PROB1: variants seen among roughly 807,000 people sequenced by gnomAD.
The protein encoded by PROB1 is proline rich basic protein 1, also known as proline-rich basic protein 1.
For missense variants in PROB1, 1,453 were observed against 1,485.7 expected (o/e 0.98, Z 0.36); for synonymous variants, 660 against 699.3 (o/e 0.94, Z 0.89).
Position 139,394,272 on chromosome 5 carries a change from G to T in PROB1, c.810C>A (p.Thr270=). The change falls in exon 1 of 1, where the codon ACC becomes ACA. Residue 270 remains threonine, a synonymous_variant. Transcript: ENST00000434752. Reference sequence around the variant, plus strand: ...GTTCCGACCGCCCCGTGGACCCGAAGGTGGCGCTGCTCGGGGCCGGGGCCT... The same window carrying T: ...GTTCCGACCGCCCCGTGGACCCGAATGTGGCGCTGCTCGGGGCCGGGGCCT... The part of the protein sequence containing the change: ...SPEAPAPSSA[T]FGSTGRSEPE... The T allele has an allele frequency of 2.6e-6, 4 of 1,542,620 alleles. No individual in the cohort carries two copies. The highest frequency in any genetic ancestry group is 3.5e-6 in the Non-Finnish European group (4 of 1,142,758).
rs1427676098 is a variant in PROB1 at position 139,391,784 on chromosome 5, C to G, written c.*250G>C. ...CACACCCACACACCACACCACACCA[C>G]GCCCTGGGAATGCCTGGGAAAGGGA... On this transcript the variant is annotated 3_prime_UTR_variant, in exon 1 of 1. Coordinates refer to ENST00000434752, the MANE Select transcript of PROB1 (RefSeq NM_001161546.2). The surrounding 1 kb of genome is among the most constrained non-coding windows in gnomAD (Gnocchi z 4.8). The G allele has an allele frequency of 2.5e-6, 1 of 396,000 alleles. No homozygotes were observed. Among genetic ancestry groups the G allele is most frequent in the African/African-American group, 2.1e-5 (1 of 48,526 alleles). The allele number at this position is 396,000 out of a possible 1,614,324, so 24.5% of individuals were successfully genotyped here.
At position 139,392,091 on chromosome 5, in the gene PROB1, C is replaced by G. The variant is rs1015561128; in HGVS notation, c.2991G>C (p.Ala997=). ...GGGTGGGACCTGAGCTGGAGGGCGG[C>G]GCACAGAGGAGCAGAGGAGGTGCGG... ...PNPAPPLLLC[A]PPSSSGPTQP... Residue 997 remains alanine (A), a synonymous_variant, in exon 1 of 1, where the codon GCG becomes GCC. Transcript: ENST00000434752. The surrounding 1 kb of genome is among the most constrained non-coding windows in gnomAD (Gnocchi z 5.8). The G allele has an allele frequency of 7.1e-6, 10 of 1,412,602 alleles. No homozygotes were observed. In the African/African-American group the frequency reaches 1.4e-4, roughly 19 times the overall value. 87.5% of individuals were successfully genotyped at this position (1,412,602 alleles called of 1,614,324 possible).
rs748366649 is a variant in PROB1 at position 139,392,993 on chromosome 5, G to T, written c.2089C>A (p.Pro697Thr). 3.3e-6 allele frequency: 5 copies of T among 1,517,274 alleles called. No homozygotes were observed. The highest frequency in any genetic ancestry group is 1.7e-4 in the Middle Eastern group (1 of 5,810). The allele number at this position is 1,517,274 out of a possible 1,614,324, so 94.0% of individuals were successfully genotyped here. A position where few individuals can be genotyped will look rare whatever the true frequency, so the allele number is the denominator to read the frequency against. ...FLPVVPHPYE[P>T]PEPSFDTVAR... ...ACCGTGTCGAAGGACGGTTCAGGAG[G>T]CTCGTAGGGGTGCGGCACCACCGGT... The change falls in exon 1 of 1, where the codon CCT (proline) becomes ACT (threonine). Residue 697 changes from proline to threonine, a missense_variant. Physicochemically the swap from Pro to Thr is conservative, Grantham distance 38. Coordinates refer to ENST00000434752, the MANE Select transcript of PROB1 (RefSeq NM_001161546.2). This position sits in a 1 kb window ranked among gnomAD's most constrained non-coding sequence, Gnocchi z 5.8.
chr5:139,392,542 G>C lies in PROB1; in HGVS notation c.2540C>G (p.Ala847Gly), dbSNP rs1199312028. The C allele has an allele frequency of 7.4e-7, 1 of 1,351,052 alleles. No homozygotes were observed. The highest frequency in any genetic ancestry group is 3.1e-5 in the East Asian group (1 of 32,370). 83.7% of individuals were successfully genotyped at this position (1,351,052 alleles called of 1,614,324 possible). Residue 847 changes from alanine to glycine, a missense_variant, in exon 1 of 1, where the codon GCC (alanine) becomes GGC (glycine). Coordinates refer to ENST00000434752, the MANE Select transcript of PROB1 (RefSeq NM_001161546.2). The surrounding 1 kb of genome is among the most constrained non-coding windows in gnomAD (Gnocchi z 5.8). Reference protein sequence around the residue: ...REPLALAGRTAPAQPRAASAP... With the variant: ...REPLALAGRTGPAQPRAASAP... The stretch of plus-strand genomic sequence containing the variant: ...CGAGGCAGCGCGGGGCTGGGCTGGG[G>C]CCGTCCTGCCCGCCAACGCCAGGGG...
Position 139,394,851 on chromosome 5 carries a change from A to C in PROB1, c.231T>G (p.Asn77Lys). The C allele has an allele frequency of 6.5e-7, 1 of 1,531,646 alleles. No homozygotes were observed. The highest frequency in any genetic ancestry group is 8.8e-7 in the Non-Finnish European group (1 of 1,139,118). 94.9% of individuals were successfully genotyped at this position (1,531,646 alleles called of 1,614,324 possible). ...AGCCGGGCCCGTGCCGCTGGCGGCT[A>C]TTCTGGGCGCTGACGGACAGGCGAG... ...AQPRLSVSAQ[N>K]SRQRHGPGSG... Residue 77 changes from asparagine to lysine, a missense_variant, in exon 1 of 1, where the codon AAT becomes AAG. By Grantham distance (94) the Asn-to-Lys change is moderately conservative. Transcript: ENST00000434752.
At position 139,393,407 on chromosome 5, in the gene PROB1, G is replaced by C; in HGVS notation, c.1675C>G (p.Pro559Ala). The part of the protein sequence containing the change: ...PTPSAPGTPE[P>A]TEMQSPSTRE... The stretch of plus-strand genomic sequence containing the variant: ...GTGGATGGACTCTGCATCTCTGTTG[G>C]TTCTGGAGTGCCGGGTGCGGACGGT... Residue 559 changes from proline to alanine, a missense_variant, in exon 1 of 1, where the codon CCA becomes GCA. By Grantham distance (27) the Pro-to-Ala change is conservative. Transcript: ENST00000434752. The C allele has an allele frequency of 6.4e-7, 1 of 1,551,704 alleles. No homozygotes were observed. The highest frequency in any genetic ancestry group is 1.2e-5 in the South Asian group (1 of 84,062).
In PROB1 at chr5:139,392,061, G is replaced by C; in HGVS notation, c.3021C>G (p.Pro1007=). ...APPSSSGPTQ[P]GKGSLFPL is the part of the protein sequence containing the mutation. ...ACAGCGGGAACAATGAACCCTTGCC[G>C]GGCTGGGTGGGACCTGAGCTGGAGG... Residue 1007 remains proline, a synonymous_variant, in exon 1 of 1, where the codon CCC becomes CCG. Transcript: ENST00000434752. The surrounding 1 kb of genome is among the most constrained non-coding windows in gnomAD (Gnocchi z 5.8). The C allele has an allele frequency of 7.1e-7, 1 of 1,400,030 alleles. No homozygotes were observed. The highest frequency in any genetic ancestry group is 9.3e-7 in the Non-Finnish European group (1 of 1,074,352). 86.7% of individuals were successfully genotyped at this position (1,400,030 alleles called of 1,614,324 possible).
At position 139,392,343 on chromosome 5, in the gene PROB1, G is replaced by A; in HGVS notation, c.2739C>T (p.Tyr913=). 2 of 1,534,868 alleles carry A rather than the reference G, an allele frequency of 1.3e-6. No homozygotes were observed. The highest frequency in any genetic ancestry group is 1.2e-5 in the South Asian group (1 of 82,598). The change falls in exon 1 of 1, where the codon TAC becomes TAT. Residue 913 remains tyrosine, a synonymous_variant. Transcript: ENST00000434752. This position sits in a 1 kb window ranked among gnomAD's most constrained non-coding sequence, Gnocchi z 5.8. The part of the protein sequence containing the change: ...RVLFDPESGQ[Y]VEVLLPPSSP... ...ACGAGGGCGGCAGCAACACCTCCAC[G>A]TACTGCCCACTCTCAGGGTCGAAGA...
In PROB1 at chr5:139,395,088, G is replaced by C; in HGVS notation, c.-7C>G. 7.2e-7 allele frequency: 1 copy of C among 1,396,330 alleles called. No individual in the cohort carries two copies. The highest frequency in any genetic ancestry group is 1.6e-5 in the South Asian group (1 of 61,958). 86.5% of individuals were successfully genotyped at this position (1,396,330 alleles called of 1,614,324 possible). Reference sequence around the variant, plus strand: ...GGGCGAGCGCGGTCAGCATGGTGGGGCCGGACGCCGTGCACTATCTCCCTC... The same window carrying C: ...GGGCGAGCGCGGTCAGCATGGTGGGCCCGGACGCCGTGCACTATCTCCCTC... On this transcript the variant is annotated 5_prime_UTR_variant, in exon 1 of 1. Transcript: ENST00000434752.
In PROB1 at chr5:139,394,950, C is replaced by T. The variant is rs1286692793; in HGVS notation, c.132G>A (p.Pro44=). The T allele has an allele frequency of 2.0e-6, 3 of 1,521,264 alleles. No homozygotes were observed. Among genetic ancestry groups the T allele is most frequent in the African/African-American group, 1.4e-5 (1 of 69,120 alleles). 94.2% of individuals were successfully genotyped at this position (1,521,264 alleles called of 1,614,324 possible). ...YYTAPGSPEP[P]DVGPDAKGPA... ...GGCCTTTCGCGTCCGGCCCAACGTC[C>T]GGGGGCTCCGGAGAACCTGGAGCCG... is the stretch of plus-strand genomic sequence containing the variant. Residue 44 remains proline (P), a synonymous_variant, in exon 1 of 1, where the codon CCG becomes CCA. Transcript: ENST00000434752.
Position 139,391,925 on chromosome 5 carries a change from G to A in PROB1, c.*109C>T. The stretch of plus-strand genomic sequence containing the variant: ...ATCACTTCCTGTCCGACGACTGACT[G>A]GGATGGGTTAAAGACAGAGGCGACG... On this transcript the variant is annotated 3_prime_UTR_variant, in exon 1 of 1. Transcript: ENST00000434752. The surrounding 1 kb of genome is among the most constrained non-coding windows in gnomAD (Gnocchi z 4.8). The A allele has an allele frequency of 1.1e-6, 1 of 872,576 alleles. No homozygotes were observed. Among genetic ancestry groups the A allele is most frequent in the South Asian group, 5.2e-5 (1 of 19,238 alleles). The allele number at this position is 872,576 out of a possible 1,614,324, so 54.1% of individuals were successfully genotyped here.
In PROB1 at chr5:139,392,692, C is replaced by T; in HGVS notation, c.2390G>A (p.Arg797Gln). The change falls in exon 1 of 1, where the codon CGA becomes CAA. Residue 797 changes from arginine to glutamine, a missense_variant. By Grantham distance (43) the Arg-to-Gln change is conservative. Transcript: ENST00000434752. The surrounding 1 kb of genome is among the most constrained non-coding windows in gnomAD (Gnocchi z 5.8). ...QRSPVGPAGV[R>Q]SPRPGSPQMQ... ...CTGAGGGGAGCCGGGGCGGGGCGAT[C>T]GGACCCCTGCTGGCCCTACGGGGGA... is the stretch of plus-strand genomic sequence containing the variant. The T allele has an allele frequency of 7.2e-7, 1 of 1,388,070 alleles. No homozygotes were observed. The highest frequency in any genetic ancestry group is 9.3e-7 in the Non-Finnish European group (1 of 1,070,308). The allele number at this position is 1,388,070 out of a possible 1,614,324, so 86.0% of individuals were successfully genotyped here.
rs1337299295 is a variant in PROB1, at chr5:139,391,760, A to C, written c.*274T>G. 1 of 368,888 alleles carries C rather than the reference A, an allele frequency of 2.7e-6. No homozygotes were observed. Among genetic ancestry groups the C allele is most frequent in the Non-Finnish European group, 4.8e-6 (1 of 206,824 alleles). The allele number at this position is 368,888 out of a possible 1,614,324, so 22.9% of individuals were successfully genotyped here. A position where few individuals can be genotyped will look rare whatever the true frequency, so the allele number is the denominator to read the frequency against. On this transcript the variant is annotated 3_prime_UTR_variant, in exon 1 of 1. Transcript: ENST00000434752. This position sits in a 1 kb window ranked among gnomAD's most constrained non-coding sequence, Gnocchi z 4.8. The stretch of plus-strand genomic sequence containing the variant: ...CTTGCCCGCATATACACATATACAC[A>C]CACCCACACACCACACCACACCACG...
chr5:139,392,310 C>G lies in PROB1; in HGVS notation c.2772G>C (p.Gly924=), dbSNP rs1384442679. The G allele has an allele frequency of 1.3e-6, 2 of 1,533,112 alleles. No homozygotes were observed. The allele number at this position is 1,533,112 out of a possible 1,614,324, so 95.0% of individuals were successfully genotyped here. A position where few individuals can be genotyped will look rare whatever the true frequency, so the allele number is the denominator to read the frequency against. The part of the protein sequence containing the change: ...VEVLLPPSSP[G]PPHRVYTPLA... ...GAGGGGTGTAGACGCGGTGGGGCGG[C>G]CCGGGAGACGAGGGCGGCAGCAACA... Residue 924 remains glycine, a synonymous_variant, in exon 1 of 1, where the codon GGG becomes GGC. Transcript: ENST00000434752. This position sits in a 1 kb window ranked among gnomAD's most constrained non-coding sequence, Gnocchi z 5.8.
At position 139,392,869 on chromosome 5, in the gene PROB1, GC is replaced by G; in HGVS notation, c.2212del (p.Ala738ProfsTer10). 1.9e-6 allele frequency: 3 copies of G among 1,544,542 alleles called. No individual in the cohort carries two copies. Among genetic ancestry groups the G allele is most frequent in the Non-Finnish European group, 8.7e-7 (1 of 1,143,958 alleles). On this transcript the variant is annotated frameshift_variant, in exon 1 of 1. Transcript: ENST00000434752. LOFTEE classifies it low-confidence loss of function (END_TRUNC). The surrounding 1 kb of genome is among the most constrained non-coding windows in gnomAD (Gnocchi z 5.8). Reference sequence around the variant, plus strand: ...CTCGGGCCGGCGACCCAAGGCCAGGGCCCCAGGCAGGCGGATCTCTGTGCGC... The same window carrying G: ...CTCGGGCCGGCGACCCAAGGCCAGGGCCCAGGCAGGCGGATCTCTGTGCGC... ...FKRTEIRLPG[A>X]LALGRRPEVT...
chr5:139,393,322 G>A lies in PROB1; in HGVS notation c.1760C>T (p.Pro587Leu), dbSNP rs1000348803. The A allele has an allele frequency of 3.2e-6, 5 of 1,550,856 alleles. No individual in the cohort carries two copies. In the African/African-American group the frequency reaches 4.1e-5, roughly 13 times the overall value. ...CACAGGGTGGCTGCCGGGCGGCTCG[G>A]GTGCTGCTACCTCTGGGGACTGCTG... is the stretch of plus-strand genomic sequence containing the variant. Reference protein sequence around the residue: ...GSQQSPEVAAPEPPGSHPVGT... With the variant: ...GSQQSPEVAALEPPGSHPVGT... The change falls in exon 1 of 1, where the codon CCC becomes CTC. Residue 587 changes from proline to leucine, a missense_variant. By Grantham distance (98) the Pro-to-Leu change is moderately conservative. Coordinates refer to ENST00000434752, the MANE Select transcript of PROB1 (RefSeq NM_001161546.2).
At position 139,394,927 on chromosome 5, in the gene PROB1, C is replaced by A; in HGVS notation, c.155G>T (p.Gly52Val). 6.6e-7 allele frequency: 1 copy of A among 1,519,978 alleles called. No individual in the cohort carries two copies. The highest frequency in any genetic ancestry group is 8.8e-7 in the Non-Finnish European group (1 of 1,135,152). 94.2% of individuals were successfully genotyped at this position (1,519,978 alleles called of 1,614,324 possible). ...EPPDVGPDAK[G>V]PANWPWVAPG... Reference sequence around the variant, plus strand: ...AGCCACCCAGGGCCAATTCGCTGGGCCTTTCGCGTCCGGCCCAACGTCCGG... The same window carrying A: ...AGCCACCCAGGGCCAATTCGCTGGGACTTTCGCGTCCGGCCCAACGTCCGG... Residue 52 changes from glycine (G) to valine (V), a missense_variant, in exon 1 of 1, where the codon GGC becomes GTC. By Grantham distance (109) the Gly-to-Val change is moderately radical. Transcript: ENST00000434752.
Position 139,394,321 on chromosome 5 carries a change from G to A in PROB1, c.761C>T (p.Ala254Val), listed in dbSNP as rs1758656198. ...LQAAAGFVQT[A>V]LARKLSPEAP... Reference sequence around the variant, plus strand: ...CTCGGGGCTCAGTTTTCTGGCCAACGCCGTCTGCACGAAGCCCGCGGCGGC... The same window carrying A: ...CTCGGGGCTCAGTTTTCTGGCCAACACCGTCTGCACGAAGCCCGCGGCGGC... The change falls in exon 1 of 1, where the codon GCG becomes GTG. Residue 254 changes from alanine to valine, a missense_variant. Ala to Val is a moderately conservative substitution (Grantham distance 64). Coordinates refer to ENST00000434752, the MANE Select transcript of PROB1 (RefSeq NM_001161546.2). 1 of 1,482,080 alleles carries A rather than the reference G, an allele frequency of 6.7e-7. No individual in the cohort carries two copies. The highest frequency in any genetic ancestry group is 2.6e-5 in the East Asian group (1 of 39,192). The allele number at this position is 1,482,080 out of a possible 1,614,324, so 91.8% of individuals were successfully genotyped here.
Position 139,393,701 on chromosome 5 carries a change from A to G in PROB1, c.1381T>C (p.Trp461Arg). 6.4e-7 allele frequency: 1 copy of G among 1,550,892 alleles called. No homozygotes were observed. The highest frequency in any genetic ancestry group is 8.7e-7 in the Non-Finnish European group (1 of 1,146,888). Residue 461 changes from tryptophan (W) to arginine (R), a missense_variant, in exon 1 of 1, where the codon TGG becomes CGG. Physicochemically the swap from Trp to Arg is moderately radical, Grantham distance 101 (BLOSUM62 -3). Transcript: ENST00000434752. The stretch of plus-strand genomic sequence containing the variant: ...CTTTCCCCAGCAACACACTGATTCC[A>G]CTGGGAAAGGATCGGAGGGGAAGGG... ...RSPSPPILSQ[W>R]NQCVAGERSP... is the part of the protein sequence containing the mutation.
Sources: gnomAD v4.1 joint callset for allele counts on GRCh38, gnomAD v4.1.1 for gene constraint, Gnocchi (gnomAD v3.1) non-coding constraint, MANE v1.5 for transcripts, NCBI Gene and HGNC (gene_info 2026-07-23, HGNC 2026-07-21) for gene names.